ADARB2: variants seen among roughly 807,000 people sequenced by gnomAD.
ADARB2 encodes adenosine deaminase RNA specific B2 (inactive), also known as inactive double-stranded RNA-specific editase B2.
Under a neutral mutation model 62.2 loss-of-function variants are expected in ADARB2, and 25 were observed. The ratio of observed to expected loss-of-function variants is 0.40; its 90% CI spans 0.29 to 0.56. The LOEUF is 0.56. ADARB2 is among the 20% of genes least tolerant of loss of function. The pLI is 0.43. For synonymous variants in ADARB2, 572 were observed against 500.8 expected (o/e 1.14, Z -1.90); for missense variants, 1,071 against 1,077.4 (o/e 0.99, Z 0.08).
chr10:1,332,426 A>T (rs1387398925), intron 3 of ADARB2, among the ~76,000 whole-genome samples: 1 of 151,560 alleles, frequency 6.6e-6, no homozygotes, highest in Non-Finnish European at 1.5e-5. Flanking sequence ...AGAAAAAAAA[A>T]AAAAATAAAT....
At chr10:1,681,729 C>T (rs889305280) in intron 1 of ADARB2, among the ~76,000 whole-genome samples, 2 of 152,226 alleles carry the variant, frequency 1.3e-5, no homozygotes, top group African/African-American at 2.4e-5. Context: ...TACTCTCAAG[C>T]AGCCCAGTCC....
At chr10:1,465,432 G>C (rs891580588) in intron 1 of ADARB2, among the ~76,000 whole-genome samples, 2 of 152,188 alleles carry the variant, frequency 1.3e-5, no homozygotes, top group Non-Finnish European at 2.9e-5. Flanking sequence ...GGAAAACATC[G>C]AAGGAGTGCT....
At chr10:1,301,912 A>G (rs927672543) in intron 3 of ADARB2, among the ~76,000 whole-genome samples, 1 of 152,226 alleles carries the variant, frequency 6.6e-6, no homozygotes, top group African/African-American at 2.4e-5. Flanking sequence ...GTGACCTTAC[A>G]GTGACACATC....
intron 1 of ADARB2, among the ~76,000 whole-genome samples, chr10:1,544,617 G>T (rs1327156242): frequency 4.6e-5 from 7 of 152,174 alleles, no homozygotes; most frequent in Non-Finnish European, 1.0e-4. Context: ...GGGTACAGGG[G>T]CGGGAATGGA....
intron 1 of ADARB2, among the ~76,000 whole-genome samples, chr10:1,699,372 G>A (rs866821487): frequency 2.6e-4 from 3 of 11,478 alleles, no homozygotes; most frequent in Non-Finnish European, 3.5e-4. Context: ...GCCAATACAC[G>A]CAATCCCACT....
At chr10:1,293,550 G>A (rs1831497066) in intron 3 of ADARB2, among the ~76,000 whole-genome samples, 1 of 152,196 alleles carries the variant, frequency 6.6e-6, no homozygotes, top group African/African-American at 2.4e-5. Context: ...TCGCTGGAAA[G>A]GCTCAGTCAT....
At chr10:1,225,609 G>T (rs1392452367) in intron 6 of ADARB2, among the ~76,000 whole-genome samples, 5 of 152,022 alleles carry the variant, frequency 3.3e-5, no homozygotes, top group African/African-American at 9.7e-5. Flanking sequence ...CAGGCCTGGT[G>T]GTGACAAAAT....
intron 1 of ADARB2, among the ~76,000 whole-genome samples, chr10:1,484,989 G>T (rs547745386): frequency 6.6e-6 from 1 of 151,908 alleles, no homozygotes; most frequent in Admixed American, 6.6e-5. Context: ...TGTCTATGTC[G>T]GCATTCAGGT....
At position 1,266,301 on chromosome 10, in the gene ADARB2, C is replaced by T. The variant is rs79105195; in HGVS notation, c.1192+4654G>A. Among the ~76,000 whole-genome samples, 42 of 152,344 alleles carry T rather than the reference C, an allele frequency of 2.8e-4. 1 individual carries two copies. The East Asian group carries it at 7.7e-3, about 28-fold the overall frequency. ...TGCCTGTAGGTCCGGTGCAACAGCGCATGTGCTCCTGGCATAGGGCTCACT... is the reference window on the plus strand; with the variant it reads ...TGCCTGTAGGTCCGGTGCAACAGCGTATGTGCTCCTGGCATAGGGCTCACT... On this transcript the variant is annotated intron_variant, in intron 4 of 9. Transcript: ENST00000381312.
intron 1 of ADARB2, among the ~76,000 whole-genome samples, chr10:1,647,186 C>CT (rs958015983): frequency 1.3e-5 from 2 of 152,244 alleles, no homozygotes; most frequent in Admixed American, 1.3e-4. Flanking sequence ...ACTTCAAAGT[C>CT]TTTTTCCAGG....
At chr10:1,524,985 C>T (rs1002205273) in intron 1 of ADARB2, among the ~76,000 whole-genome samples, 2 of 152,172 alleles carry the variant, frequency 1.3e-5, no homozygotes, top group African/African-American at 2.4e-5. Flanking sequence ...TTTTACCTTT[C>T]CATTTTCACA....
intron 7 of ADARB2, among the ~76,000 whole-genome samples, chr10:1,214,300 G>T (rs1171264250): frequency 6.7e-6 from 1 of 150,064 alleles, no homozygotes; most frequent in East Asian, 2.0e-4. Context: ...CGTTGTGTAG[G>T]TTTGCACCTG....
intron 3 of ADARB2, among the ~76,000 whole-genome samples, chr10:1,286,719 A>C (rs1019749877): frequency 2.0e-5 from 3 of 152,138 alleles, no homozygotes; most frequent in Non-Finnish European, 4.4e-5. Context: ...ATCACTCCTC[A>C]AGGCCAAGGC....
At chr10:1,322,417 A>G (rs907938113) in intron 3 of ADARB2, among the ~76,000 whole-genome samples, 2 of 152,208 alleles carry the variant, frequency 1.3e-5, no homozygotes, top group African/African-American at 4.8e-5. Flanking sequence ...TATTTGAGTT[A>G]GATTTCTTCA....
At chr10:1,566,513 C>G (rs760066173) in intron 1 of ADARB2, among the ~76,000 whole-genome samples, 1 of 152,144 alleles carries the variant, frequency 6.6e-6, no homozygotes, top group Non-Finnish European at 1.5e-5. Context: ...AAATAATGGA[C>G]AGCGTTTTAG....
rs201044994 is a variant in ADARB2, at chr10:1,533,332, G to T, written c.101-154172C>A. 1.4e-4 allele frequency among the ~76,000 whole-genome samples: 21 copies of T among 146,398 alleles called. No homozygotes were observed. In the East Asian group the frequency reaches 4.2e-3, roughly 29 times the overall value. ...TTTAGTAGAGATGGGGTTTCACTAT[G>T]TTGGCCAGGCTGGTCTCAAACTCCT... On this transcript the variant is annotated intron_variant, in intron 1 of 9. Coordinates refer to ENST00000381312, the MANE Select transcript of ADARB2 (RefSeq NM_018702.4).
rs1387346690 is a variant in ADARB2, at chr10:1,532,730, G to A, written c.101-153570C>T. 2.0e-5 allele frequency among the ~76,000 whole-genome samples: 3 copies of A among 152,202 alleles called. No individual in the cohort carries two copies. The East Asian group carries it at 5.8e-4, about 29-fold the overall frequency. ...ATTTCTTTAGGGGGATGTGACCGCTGGCTATGGCGCCGGGACTCTTCTCCC... is the reference window on the plus strand; with the variant it reads ...ATTTCTTTAGGGGGATGTGACCGCTAGCTATGGCGCCGGGACTCTTCTCCC... On this transcript the variant is annotated intron_variant, in intron 1 of 9. Transcript: ENST00000381312.
intron 1 of ADARB2, among the ~76,000 whole-genome samples, chr10:1,483,164 C>T (rs2131926048): frequency 6.6e-6 from 1 of 152,188 alleles, no homozygotes; most frequent in East Asian, 1.9e-4. Context: ...TCCTTGGTTT[C>T]CCTTTTTTTC....
intron 1 of ADARB2, among the ~76,000 whole-genome samples, chr10:1,707,777 T>C (rs565522936): frequency 6.6e-5 from 10 of 152,320 alleles, no homozygotes; most frequent in South Asian, 6.2e-4. Flanking sequence ...ACTGTGAAGA[T>C]GAAGCTTGGT....
Sources: gnomAD v4.1 joint callset for allele counts (sites outside exome capture counted in the v4.1 genomes callset) on GRCh38, gnomAD v4.1.1 for gene constraint, MANE v1.5 for transcripts, NCBI Gene and HGNC (gene_info 2026-07-23, HGNC 2026-07-21) for gene names.